MAGED1: variants seen among roughly 807,000 people sequenced by gnomAD.
MAGED1 encodes melanoma-associated antigen D1.
In MAGED1, 3 loss-of-function variants were observed where a neutral mutation model predicts 54.1. That is an observed-to-expected ratio of 0.06 (90% CI 0.03 to 0.14). MAGED1 has a LOEUF of 0.14. Ranked by LOEUF, MAGED1 falls within the 10% of genes least tolerant of loss-of-function variation. The pLI is 1.00. For synonymous variants in MAGED1, 217 were observed against 227.3 expected (o/e 0.95, Z 0.41); for missense variants, 485 against 623.4 (o/e 0.78, Z 2.36).
At chrX:51,821,977 T>C (rs1347132422) in intron 1 of MAGED1, among the ~76,000 whole-genome samples, 1 of 111,526 alleles carries the variant, frequency 9.0e-6, no homozygotes, top group Non-Finnish European at 1.9e-5. Context: ...CAGAATTTGG[T>C]TTGCTTGTAT....
At chrX:51,805,965 C>CTTTTTTT (rs57427122) in intron 1 of MAGED1, among the ~76,000 whole-genome samples, 91 of 36,911 alleles carry the variant, frequency 2.5e-3, no homozygotes, top group Non-Finnish European at 2.8e-3. Flanking sequence ...CTTTTCTTTT[C>CTTTTTTT]TTTTTTTTTT....
chrX:51,896,124 A>T, intron 3 of MAGED1: 1 of 383,718 alleles, frequency 2.6e-6, no homozygotes, highest in Non-Finnish European at 4.5e-6. Context: ...AGTGCCAGAG[A>T]GGTGAAGTGA....
At chrX:51,863,906 T>C (rs1557360879) in intron 1 of MAGED1, among the ~76,000 whole-genome samples, 1 of 110,777 alleles carries the variant, frequency 9.0e-6, no homozygotes, top group Non-Finnish European at 1.9e-5. Flanking sequence ...TTATCAGATA[T>C]ATGGTTTGTG....
chrX:51,894,995 A>G (rs1175635060), intron 2 of MAGED1, 58 bp from the exon 3 acceptor site: 18 of 1,023,225 alleles, frequency 1.8e-5, no homozygotes, highest in Admixed American at 6.2e-5. Flanking sequence ...CCCTATTCCC[A>G]CCCCACCTCC....
intron 1 of MAGED1, among the ~76,000 whole-genome samples, chrX:51,817,171 A>C (rs1749714086): frequency 8.9e-6 from 1 of 112,074 alleles, no homozygotes; most frequent in African/African-American, 3.2e-5. Context: ...TGACAATGTG[A>C]GATCCCAAGG....
chrX:51,888,901 G>T (rs1426254379), upstream of MAGED1, among the ~76,000 whole-genome samples: 1 of 112,241 alleles, frequency 8.9e-6, no homozygotes, highest in East Asian at 2.8e-4. Context: ...ACATTTTCAT[G>T]ACCTCTTGAA....
chrX:51,879,878 A>T (rs1927998267), intron 1 of MAGED1, among the ~76,000 whole-genome samples: 1 of 111,932 alleles, frequency 8.9e-6, no homozygotes, highest in African/African-American at 3.2e-5. Flanking sequence ...AGCATGGGGA[A>T]GCAAAGAGTC....
At position 51,886,300 on chromosome X, in the gene MAGED1, GA is replaced by G. The variant is rs1928232542; in HGVS notation, c.-36-7966del. Among the ~76,000 whole-genome samples the G allele has an allele frequency of 1.8e-5, 2 of 110,778 alleles. 1 individual carries two copies. Among genetic ancestry groups the G allele is most frequent in the Middle Eastern group, 8.5e-3 (2 of 236 alleles). The stretch of plus-strand genomic sequence containing the variant: ...GGATTTGGAACGTTCCCAATACAAA[GA>G]AATGATAAATGTTTGAGGTGATGGA... On this transcript the variant is annotated intron_variant, in intron 1 of 12. Coordinates refer to the MAGED1 transcript ENST00000375772.
Position 51,895,375 on chromosome X carries a change from A to G in MAGED1, c.368A>G (p.Asn123Ser). The stretch of plus-strand genomic sequence containing the variant: ...CAAAATGCTACCCCAAAGGGTCCAA[A>G]TGCTGCCTATGATTTTTCCCAGGCA... ...KSQNATPKGP[N>S]AAYDFSQAAT... Residue 123 changes from asparagine to serine, a missense_variant, in exon 3 of 13, where the codon AAT becomes AGT. Asn to Ser is a conservative substitution (Grantham distance 46). Transcript: ENST00000326587. 2 of 1,206,859 alleles carry G rather than the reference A, an allele frequency of 1.7e-6. No individual in the cohort carries two copies. Among genetic ancestry groups the G allele is most frequent in the East Asian group, 5.9e-5 (2 of 33,736 alleles).
chrX:51,811,837 G>A (rs1474873131), intron 1 of MAGED1, among the ~76,000 whole-genome samples: 4 of 111,427 alleles, frequency 3.6e-5, no homozygotes, highest in Non-Finnish European at 7.5e-5. Context: ...AGATGTGATG[G>A]GAGAGCAGTG....
chrX:51,808,657 T>C (rs1255090748), intron 1 of MAGED1, among the ~76,000 whole-genome samples: 1 of 111,830 alleles, frequency 8.9e-6, no homozygotes, highest in Non-Finnish European at 1.9e-5. Flanking sequence ...TGAAGACAGC[T>C]GTGATTGCAC....
Position 51,841,917 on chromosome X carries a change from G to A in MAGED1, c.-37+38800G>A, listed in dbSNP as rs782080566. Among the ~76,000 whole-genome samples, 9 of 111,514 alleles carry A rather than the reference G, an allele frequency of 8.1e-5. No individual in the cohort carries two copies. The East Asian group carries it at 1.4e-3, about 17-fold the overall frequency. ...TGGCTTAGGATTGAATTGGCAATGCGGGCTCTTTTTTGGTTCCATATGAAC... is the reference window on the plus strand; with the variant it reads ...TGGCTTAGGATTGAATTGGCAATGCAGGCTCTTTTTTGGTTCCATATGAAC... On this transcript the variant is annotated intron_variant, in intron 1 of 12. Transcript: ENST00000375772.
intron 1 of MAGED1, among the ~76,000 whole-genome samples, chrX:51,864,451 C>G (rs1341888386): frequency 4.5e-5 from 5 of 111,494 alleles, no homozygotes; most frequent in African/African-American, 1.3e-4. Flanking sequence ...AATGTGAAAT[C>G]AGGAAGTATG....
chrX:51,883,338 T>C (rs1322509433), intron 1 of MAGED1, among the ~76,000 whole-genome samples: 2 of 111,249 alleles, frequency 1.8e-5, no homozygotes, highest in African/African-American at 3.3e-5. Context: ...GTGGTCTCAA[T>C]GGAGGCCATT....
intron 1 of MAGED1, among the ~76,000 whole-genome samples, chrX:51,807,626 C>T (rs187557768): frequency 4.3e-4 from 48 of 111,409 alleles, no homozygotes; most frequent in African/African-American, 1.5e-3. Flanking sequence ...TGTAAAGGCC[C>T]TTTTTTTGTT....
chrX:51,895,308 A>C lies in MAGED1; in HGVS notation c.301A>C (p.Lys101Gln). 3.3e-6 allele frequency: 4 copies of C among 1,211,281 alleles called. No individual in the cohort carries two copies. The highest frequency in any genetic ancestry group is 3.4e-6 in the Non-Finnish European group (3 of 895,201). Residue 101 changes from lysine (K) to glutamine (Q), a missense_variant, in exon 3 of 13, where the codon AAG (lysine) becomes CAG (glutamine). Around this residue, in one of 2 missense-constraint regions of MAGED1, gnomAD observed 299 missense variants for 293.1 expected, o/e 1.02. Coordinates refer to ENST00000326587, the MANE Select transcript of MAGED1 (RefSeq NM_006986.4). ...TGATTTCTCTCAGGCTCATAATGCC[A>C]AGGATGTGCCCAACACGCAGCCCAA... ...VYDFSQAHNA[K>Q]DVPNTQPKAA...
At chrX:51,882,362 A>G (rs1212328779) in intron 1 of MAGED1, among the ~76,000 whole-genome samples, 2 of 111,809 alleles carry the variant, frequency 1.8e-5, no homozygotes, top group Non-Finnish European at 3.8e-5. Flanking sequence ...ACTAGAATTG[A>G]GGACTTCTAC....
upstream of MAGED1, among the ~76,000 whole-genome samples, chrX:51,888,971 C>G (rs910769950): frequency 9.0e-6 from 1 of 111,095 alleles, no homozygotes; most frequent in African/African-American, 3.3e-5. Context: ...GGGATGGGGG[C>G]GGTGGAGGAG....
chrX:51,893,605 G>A (rs940111635), upstream of MAGED1: 2 of 113,693 alleles, frequency 1.8e-5, no homozygotes, highest in Non-Finnish European at 3.7e-5. Flanking sequence ...TATATTAGGC[G>A]AAGAGGCGGG....
Sources: allele counts gnomAD v4.1 joint callset (sites outside exome capture counted in the v4.1 genomes callset), GRCh38; gene constraint gnomAD v4.1.1; regional missense constraint gnomAD v4.1.1; transcripts MANE v1.5; gene names NCBI Gene and HGNC (gene_info 2026-07-23, HGNC 2026-07-21).